The following RAB2A variants were observed in gnomAD, a reference collection of about 807,000 sequenced individuals.
The protein encoded by RAB2A is ras-related protein Rab-2A.
In RAB2A, 7 loss-of-function variants were observed where a neutral mutation model predicts 32.5. The ratio of observed to expected loss-of-function variants is 0.22; its 90% CI spans 0.12 to 0.40. The LOEUF (loss-of-function observed/expected upper bound fraction) is 0.40. RAB2A is among the 10% of genes least tolerant of loss of function. The pLI is 1.00. For synonymous variants in RAB2A, 79 were observed against 85.2 expected, an observed-to-expected ratio of 0.93 and a Z score of 0.40; for missense variants, 108 against 260.7, an observed-to-expected ratio of 0.41 and a Z score of 4.03.
In RAB2A at chr8:60,621,328, C is replaced by A. The variant is rs931791996; in HGVS notation, c.*559C>A. ...CTATACTGTTTAGAGCTTAAAGCTACAGAAGCATTGTTAGGAATTGCTTGG... is the reference window on the plus strand; with the variant it reads ...CTATACTGTTTAGAGCTTAAAGCTAAAGAAGCATTGTTAGGAATTGCTTGG... On this transcript the variant is annotated 3_prime_UTR_variant, in exon 8 of 8. Coordinates refer to ENST00000262646, the MANE Select transcript of RAB2A (RefSeq NM_002865.3). 1 of 152,196 alleles carries A rather than the reference C, an allele frequency of 6.6e-6. No individual in the cohort carries two copies. The highest frequency in any genetic ancestry group is 2.4e-5 in the African/African-American group (1 of 41,436). The allele number at this position is 152,196 out of a possible 1,614,324, so 9.4% of individuals were successfully genotyped here.
At chr8:60,586,643 A>G (rs1448805680) in intron 5 of RAB2A, among the ~76,000 whole-genome samples, 1 of 152,170 alleles carries the variant, frequency 6.6e-6, no homozygotes, top group Non-Finnish European at 1.5e-5. Context: ...AAGGCCAGGT[A>G]CAATGGCTCA....
chr8:60,586,040 C>A (rs562187829), intron 5 of RAB2A, among the ~76,000 whole-genome samples: 8 of 152,116 alleles, frequency 5.3e-5, no homozygotes, highest in Non-Finnish European at 1.0e-4. Flanking sequence ...GTGGCTCACA[C>A]CTGTGATCCC....
chr8:60,576,126 A>T (rs928945046), intron 3 of RAB2A: 4 of 433,186 alleles, frequency 9.2e-6, no homozygotes, highest in Non-Finnish European at 1.8e-5. Context: ...CAGTGATAAG[A>T]GTCTATCAGT....
At chr8:60,562,594 A>G (rs1207639604) in intron 2 of RAB2A, among the ~76,000 whole-genome samples, 2 of 152,208 alleles carry the variant, frequency 1.3e-5, no homozygotes, top group Non-Finnish European at 2.9e-5. Context: ...TACATTCACT[A>G]TGCAGAGTCT....
intron 6 of RAB2A, among the ~76,000 whole-genome samples, chr8:60,616,973 G>C (rs1177380906): frequency 6.6e-6 from 1 of 152,320 alleles, no homozygotes; most frequent in Admixed American, 6.5e-5. Flanking sequence ...GGTATGATTT[G>C]TTCCTCTCCA....
At chr8:60,530,454 C>T (rs1188291868) in intron 1 of RAB2A, among the ~76,000 whole-genome samples, 1 of 151,912 alleles carries the variant, frequency 6.6e-6, no homozygotes, top group Non-Finnish European at 1.5e-5. Context: ...CTGCTCCTGG[C>T]TGATTTTTAA....
intron 2 of RAB2A, among the ~76,000 whole-genome samples, chr8:60,571,453 T>G (rs1325532112): frequency 6.6e-6 from 1 of 152,196 alleles, no homozygotes; most frequent in African/African-American, 2.4e-5. Flanking sequence ...TGTGATGTAT[T>G]ATTAAATAAA....
At chr8:60,609,971 A>C (rs1804309809) in intron 6 of RAB2A, among the ~76,000 whole-genome samples, 1 of 151,704 alleles carries the variant, frequency 6.6e-6, no homozygotes, top group Non-Finnish European at 1.5e-5. Flanking sequence ...AAAAAAAAAA[A>C]AAAAAAAAAA....
At chr8:60,558,630 T>C in intron 1 of RAB2A, 1 of 573,206 alleles carries the variant, frequency 1.7e-6, no homozygotes, top group Non-Finnish European at 3.1e-6. Context: ...CATTGAAATA[T>C]TAAATGTGTA....
intron 6 of RAB2A, among the ~76,000 whole-genome samples, chr8:60,603,039 C>A (rs1428765753): frequency 6.6e-6 from 1 of 152,078 alleles, no homozygotes. Context: ...ATGACACATC[C>A]CACTTGTCTA....
At chr8:60,527,092 A>T (rs1161518149) in intron 1 of RAB2A, among the ~76,000 whole-genome samples, 2 of 152,210 alleles carry the variant, frequency 1.3e-5, no homozygotes, top group Non-Finnish European at 2.9e-5. Context: ...GGAAACTTAT[A>T]ATCATGGCAG....
chr8:60,599,301 TAGAG>T (rs552642330), intron 6 of RAB2A, among the ~76,000 whole-genome samples: 65 of 152,262 alleles, frequency 4.3e-4, no homozygotes, highest in African/African-American at 1.1e-3. Context: ...TCTAAATAAA[TAGAG>T]AGGCATACTA....
At chr8:60,575,704 C>T (rs932653125) in intron 3 of RAB2A, among the ~76,000 whole-genome samples, 7 of 134,202 alleles carry the variant, frequency 5.2e-5, no homozygotes, top group Non-Finnish European at 1.1e-4. Flanking sequence ...GCTGCCCAGG[C>T]TGTAGTGCAA....
chr8:60,623,403 T>A lies in RAB2A; in HGVS notation c.*2634T>A, dbSNP rs1024663577. 6.6e-6 allele frequency: 1 copy of A among 152,190 alleles called. No individual in the cohort carries two copies. Among genetic ancestry groups the A allele is most frequent in the Non-Finnish European group, 1.5e-5 (1 of 68,034 alleles). 9.4% of individuals were successfully genotyped at this position (152,190 alleles called of 1,614,324 possible). On this transcript the variant is annotated 3_prime_UTR_variant, in exon 8 of 8. Coordinates refer to ENST00000262646, the MANE Select transcript of RAB2A (RefSeq NM_002865.3). ...TCTGGCTTTGCAACACCTTAAACATTTATTCTGTCATAGATAGTAAAGCCC... is the reference window on the plus strand; with the variant it reads ...TCTGGCTTTGCAACACCTTAAACATATATTCTGTCATAGATAGTAAAGCCC...
Position 60,549,263 on chromosome 8 carries a change from T to C in RAB2A, c.47-9589T>C, listed in dbSNP as rs556891090. Among the ~76,000 whole-genome samples, 774 of 152,240 alleles carry C rather than the reference T, an allele frequency of 5.1e-3. 2 individuals carry two copies. Among genetic ancestry groups the C allele is most frequent in the African/African-American group, 0.015 (624 of 41,510 alleles). ...GGCGGCCGGGCAGAGGCTGCAATCT[T>C]GGCACTTTGGGAGGCCAAGGCAGGC... is the stretch of plus-strand genomic sequence containing the variant. On this transcript the variant is annotated intron_variant, in intron 1 of 7. Coordinates refer to ENST00000262646, the MANE Select transcript of RAB2A (RefSeq NM_002865.3).
intron 5 of RAB2A, among the ~76,000 whole-genome samples, chr8:60,587,731 A>G (rs1803873616): frequency 6.6e-6 from 1 of 152,024 alleles, no homozygotes; most frequent in Admixed American, 6.5e-5. Context: ...TATGTTGTAC[A>G]TGATAAATAT....
At chr8:60,580,420 A>G (rs1803725588) in intron 3 of RAB2A, among the ~76,000 whole-genome samples, 1 of 152,214 alleles carries the variant, frequency 6.6e-6, no homozygotes, top group Non-Finnish European at 1.5e-5. Flanking sequence ...CATAATAAAA[A>G]AAAAAACTTC....
chr8:60,535,036 T>C (rs1187162391), intron 1 of RAB2A, among the ~76,000 whole-genome samples: 1 of 152,228 alleles, frequency 6.6e-6, no homozygotes, highest in Non-Finnish European at 1.5e-5. Flanking sequence ...ATGTGAATTT[T>C]CAGCCGTAGC....
chr8:60,547,627 G>A (rs1407148385), intron 1 of RAB2A, among the ~76,000 whole-genome samples: 10 of 120,942 alleles, frequency 8.3e-5, no homozygotes, highest in South Asian at 5.6e-4. Context: ...CTCACCTCCC[G>A]GACGGGGCGG....
Sources: allele counts gnomAD v4.1 joint callset (sites outside exome capture counted in the v4.1 genomes callset), GRCh38; gene constraint gnomAD v4.1.1; transcripts MANE v1.5; gene names NCBI Gene and HGNC (gene_info 2026-07-23, HGNC 2026-07-21).